Variants in ATCAY observed in about 807,000 individuals in gnomAD.
ATCAY encodes ATCAY kinesin light chain interacting caytaxin, also known as caytaxin.
Under a neutral mutation model 47.7 loss-of-function variants are expected in ATCAY, and 22 were observed. The observed-to-expected ratio is 0.46, with a 90% CI of 0.33 to 0.66. The LOEUF (loss-of-function observed/expected upper bound fraction) is 0.66, where lower values mean the gene tolerates loss of function less well. Among genes scored for constraint, ATCAY ranks in the 30% least tolerant of loss-of-function variants. The probability of loss-of-function intolerance (pLI) is 0.02; values close to 1 mark genes in which losing one functional copy is unlikely to be tolerated. For missense variants in ATCAY, 452 were observed against 515.0 expected (o/e 0.88, Z 1.18); for synonymous variants, 216 against 207.6 (o/e 1.04, Z -0.35).
At chr19:3,917,624 G>GAAAAAAAAAAAAA in intron 9 of ATCAY, 118 bp from the exon 10 acceptor site, 2 of 379,422 alleles carry the variant, frequency 5.3e-6, no homozygotes, top group Non-Finnish European at 4.7e-6. Flanking sequence ...AGAAGAAGAA[G>GAAAAAAAAAAAAA]AAGAAAAGAA....
At chr19:3,908,182 G>A (rs1568449431) in intron 5 of ATCAY, 86 bp from the exon 6 acceptor site, 2 of 1,220,554 alleles carry the variant, frequency 1.6e-6, no homozygotes, top group East Asian at 2.5e-5. Context: ...GAGCGTGTGG[G>A]CACCGGGACG....
Position 3,907,997 on chromosome 19 carries a change from T to G in ATCAY, c.544+78T>G. ...AACAGGGGGTTCGTCAGTGCCCCTC[T>G]CTGATGCACGGGGATGTTAAGCCGT... On this transcript the variant is annotated intron_variant, in intron 5 of 12. Coordinates refer to ENST00000450849, the MANE Select transcript of ATCAY (RefSeq NM_033064.5). This position sits in a 1 kb window ranked among gnomAD's most constrained non-coding sequence, Gnocchi z 5.1. 1 of 1,495,052 alleles carries G rather than the reference T, an allele frequency of 6.7e-7. No homozygotes were observed. Among genetic ancestry groups the G allele is most frequent in the Admixed American group, 2.0e-5 (1 of 51,006 alleles). 92.6% of individuals were successfully genotyped at this position (1,495,052 alleles called of 1,614,324 possible).
At chr19:3,915,339 ATTT>A (rs55746542) in intron 9 of ATCAY, among the ~76,000 whole-genome samples, 15 of 127,188 alleles carry the variant, frequency 1.2e-4, no homozygotes, top group Admixed American at 2.4e-4. Flanking sequence ...TGCCTGGCTA[ATTT>A]TTTTTTTTTT....
At chr19:3,919,829 C>T (rs1056429439) in intron 11 of ATCAY, among the ~76,000 whole-genome samples, 2 of 152,054 alleles carry the variant, frequency 1.3e-5, no homozygotes, top group African/African-American at 4.8e-5. Flanking sequence ...GAAAGGTGAC[C>T]TTTGTCCAGG....
At chr19:3,882,774 G>A (rs2038613338) in intron 1 of ATCAY, among the ~76,000 whole-genome samples, 1 of 152,000 alleles carries the variant, frequency 6.6e-6, no homozygotes, top group Middle Eastern at 3.4e-3. Context: ...CTCCTGAACA[G>A]CTGTGACTTC....
Position 3,910,971 on chromosome 19 carries a change from A to G in ATCAY, c.866+82A>G, listed in dbSNP as rs920388726. The G allele has an allele frequency of 6.8e-6, 10 of 1,466,628 alleles. No homozygotes were observed. The African/African-American group carries it at 7.0e-5, about 10-fold the overall frequency. The allele number at this position is 1,466,628 out of a possible 1,614,324, so 90.9% of individuals were successfully genotyped here. On this transcript the variant is annotated intron_variant, in intron 8 of 12. Coordinates refer to ENST00000450849, the MANE Select transcript of ATCAY (RefSeq NM_033064.5). Reference sequence around the variant, plus strand: ...TGTGTATGCATGCATTTGTGTGTGCATGTGTGCACGTGTGTGCGTGTGTGC... The same window carrying G: ...TGTGTATGCATGCATTTGTGTGTGCGTGTGTGCACGTGTGTGCGTGTGTGC...
chr19:3,906,262 T>C (rs2038860057), intron 4 of ATCAY, among the ~76,000 whole-genome samples: 2 of 150,080 alleles, frequency 1.3e-5, no homozygotes, highest in Non-Finnish European at 3.0e-5. Context: ...GATAGCAGAA[T>C]AGGAGGGGTG....
chr19:3,913,924 A>G, intron 9 of ATCAY, 68 bp downstream of exon 9: 1 of 1,411,446 alleles, frequency 7.1e-7, no homozygotes, highest in Non-Finnish European at 1.0e-6. Context: ...GACACACCTG[A>G]GACAGGGCAA....
intron 4 of ATCAY, 28 bp downstream of exon 4, chr19:3,905,683 G>C: frequency 6.3e-7 from 1 of 1,585,610 alleles, no homozygotes; most frequent in Non-Finnish European, 8.6e-7. Context: ...TCTGGGGCCT[G>C]CTGGAGCCCA....
At chr19:3,920,422 A>C (rs968587706) in intron 11 of ATCAY, 4 of 157,366 alleles carry the variant, frequency 2.5e-5, no homozygotes, top group African/African-American at 9.7e-5. Context: ...GGCTCACTGC[A>C]ACCTCCACCT....
intron 8 of ATCAY, among the ~76,000 whole-genome samples, chr19:3,912,395 GCTCCGCCTCCCGGGTTCACGCTATTCTGC>G (rs1217895946): frequency 6.6e-6 from 1 of 151,766 alleles, no homozygotes; most frequent in African/African-American, 2.4e-5. Context: ...CTCACTGCAA[GCTCCGCCTCCCGGGTTCACGCTATTCTGC>G]CTCAGCCTCC....
In ATCAY at chr19:3,927,471, A is replaced by C. The variant is rs1180628021; in HGVS notation, c.*2879A>C. Reference sequence around the variant, plus strand: ...AAGAACTCATTCCACCCAATCGGACACCTAATAATTGAGTGTCTACAGCAG... The same window carrying C: ...AAGAACTCATTCCACCCAATCGGACCCCTAATAATTGAGTGTCTACAGCAG... On this transcript the variant is annotated 3_prime_UTR_variant, in exon 13 of 13. Transcript: ENST00000450849. 6.6e-6 allele frequency: 1 copy of C among 152,192 alleles called. No homozygotes were observed. Among genetic ancestry groups the C allele is most frequent in the East Asian group, 1.9e-4 (1 of 5,194 alleles). The allele number at this position is 152,192 out of a possible 1,614,324, so 9.4% of individuals were successfully genotyped here. A position where few individuals can be genotyped will look rare whatever the true frequency, so the allele number is the denominator to read the frequency against.
intron 9 of ATCAY, among the ~76,000 whole-genome samples, chr19:3,915,835 G>A (rs1014382054): frequency 6.0e-5 from 9 of 150,864 alleles, no homozygotes; most frequent in East Asian, 2.0e-4. Context: ...GATTACAGGC[G>A]TGAGCCACCA....
chr19:3,909,999 G>C (rs1284666573), intron 7 of ATCAY, among the ~76,000 whole-genome samples: 3 of 152,112 alleles, frequency 2.0e-5, no homozygotes, highest in Non-Finnish European at 2.9e-5. Flanking sequence ...TGAGGCAGGA[G>C]AATCACTTGA....
At chr19:3,887,888 C>G (rs2145222723) in intron 2 of ATCAY, among the ~76,000 whole-genome samples, 1 of 150,664 alleles carries the variant, frequency 6.6e-6, no homozygotes, top group East Asian at 2.0e-4. Flanking sequence ...GTGGGCAGAT[C>G]ACAAGGTCAG....
intron 3 of ATCAY, among the ~76,000 whole-genome samples, 194 bp downstream of exon 3, chr19:3,902,739 C>T (rs1568447666): frequency 6.6e-6 from 1 of 152,104 alleles, no homozygotes; most frequent in African/African-American, 2.4e-5. Flanking sequence ...GAAGCCAGCA[C>T]GCTGTGTTGC....
At chr19:3,912,469 C>T (rs889848948) in intron 8 of ATCAY, among the ~76,000 whole-genome samples, 1 of 152,236 alleles carries the variant, frequency 6.6e-6, no homozygotes, top group Non-Finnish European at 1.5e-5. Context: ...CGCCACCAGG[C>T]CCAGCTAACT....
chr19:3,909,313 G>A (rs547875207), intron 6 of ATCAY, among the ~76,000 whole-genome samples, 173 bp from the exon 7 acceptor site: 34 of 150,912 alleles, frequency 2.3e-4, no homozygotes, highest in Non-Finnish European at 4.4e-4. Flanking sequence ...AGTGTGCTGG[G>A]ATCATCCACG....
At chr19:3,886,796 C>T (rs2038660779) in intron 2 of ATCAY, among the ~76,000 whole-genome samples, 2 of 150,336 alleles carry the variant, frequency 1.3e-5, no homozygotes, top group African/African-American at 2.4e-5. Context: ...TCACTGCAAC[C>T]TCCAGGTCCT....
Sources: allele counts gnomAD v4.1 joint callset (sites outside exome capture counted in the v4.1 genomes callset), GRCh38; gene constraint gnomAD v4.1.1; non-coding constraint Gnocchi (gnomAD v3.1); transcripts MANE v1.5; gene names NCBI Gene and HGNC (gene_info 2026-07-23, HGNC 2026-07-21).